Variants in BLNK observed in about 807,000 individuals in gnomAD.
BLNK encodes B cell linker.
BLNK carries 29 observed loss-of-function variants against 73.5 expected under a neutral mutation model. That is an observed-to-expected ratio of 0.39 (90% CI 0.29 to 0.54). The LOEUF is 0.54. Ranked by LOEUF, BLNK falls within the 20% of genes least tolerant of loss-of-function variation. The pLI is 0.61. For synonymous variants in BLNK, 176 were observed against 200.8 expected (o/e 0.88, Z 1.04); for missense variants, 460 against 562.8 (o/e 0.82, Z 1.85).
At chr10:96,239,390 A>G (rs2134070590) in intron 3 of BLNK, among the ~76,000 whole-genome samples, 1 of 152,342 alleles carries the variant, frequency 6.6e-6, no homozygotes, top group Non-Finnish European at 1.5e-5. Context: ...GATGCCCAAG[A>G]TTACACAGCC....
Position 96,189,466 on chromosome 10 carries a change from A to C in BLNK, c.*2507T>G, listed in dbSNP as rs1401776824. ...AACTTGGCTTCCACTTTGGGAAGAG[A>C]ACCACCTTTTTCTATACTTGCTTGC... On this transcript the variant is annotated 3_prime_UTR_variant, in exon 17 of 17. Coordinates refer to ENST00000224337, the MANE Select transcript of BLNK (RefSeq NM_013314.4). 78 of 627,046 alleles carry C rather than the reference A, an allele frequency of 1.2e-4. No individual in the cohort carries two copies. Among genetic ancestry groups the C allele is most frequent in the South Asian group, 1.1e-3 (77 of 72,664 alleles). 38.8% of individuals were successfully genotyped at this position (627,046 alleles called of 1,614,324 possible).
chr10:96,259,133 G>C (rs989224801), intron 1 of BLNK, among the ~76,000 whole-genome samples: 1 of 152,176 alleles, frequency 6.6e-6, no homozygotes, highest in African/African-American at 2.4e-5. Flanking sequence ...CAGGGCAGGC[G>C]ACTGGCTTCA....
chr10:96,252,744 C>A (rs1393090715), intron 1 of BLNK, among the ~76,000 whole-genome samples: 1 of 152,048 alleles, frequency 6.6e-6, no homozygotes, highest in Admixed American at 6.6e-5. Context: ...CAGAACATGC[C>A]CCTCTCCTTG....
intron 8 of BLNK, among the ~76,000 whole-genome samples, chr10:96,211,261 A>T (rs2083941415): frequency 6.6e-6 from 1 of 152,178 alleles, no homozygotes; most frequent in African/African-American, 2.4e-5. Context: ...TAGAGCACAG[A>T]TAAGCACACA....
chr10:96,224,117 T>C, intron 5 of BLNK, 128 bp from the exon 6 acceptor site: 1 of 1,099,672 alleles, frequency 9.1e-7, no homozygotes, highest in Non-Finnish European at 1.3e-6. Context: ...CCACGGGGCA[T>C]TCCTTGAAAG....
intron 6 of BLNK, among the ~76,000 whole-genome samples, chr10:96,221,536 C>A (rs1309029776): frequency 6.6e-6 from 1 of 152,204 alleles, no homozygotes; most frequent in Admixed American, 6.5e-5. Flanking sequence ...TCATACTTCT[C>A]TTTTTCCCAC....
At position 96,216,880 on chromosome 10, in the gene BLNK, T is replaced by C. The variant is rs587758020; in HGVS notation, c.526-146A>G. 535 of 739,456 alleles carry C rather than the reference T, an allele frequency of 7.2e-4. 9 individuals are homozygous for C. The South Asian group carries it at 7.9e-3, about 11-fold the overall frequency. The allele number at this position is 739,456 out of a possible 1,614,324, so 45.8% of individuals were successfully genotyped here. On this transcript the variant is annotated intron_variant, in intron 6 of 16. Transcript: ENST00000224337. ...TATGTAAATTGTACAATTTGGTGACTTTTAGTATATTCACAGACATATACA... is the reference window on the plus strand; with the variant it reads ...TATGTAAATTGTACAATTTGGTGACCTTTAGTATATTCACAGACATATACA...
chr10:96,269,676 C>G (rs1290331305), intron 1 of BLNK, among the ~76,000 whole-genome samples: 3 of 152,258 alleles, frequency 2.0e-5, no homozygotes, highest in Non-Finnish European at 4.4e-5. Context: ...TTGCTAACAG[C>G]TAACAGCATA....
At chr10:96,207,624 G>A (rs2083851891) in intron 10 of BLNK, among the ~76,000 whole-genome samples, 1 of 152,176 alleles carries the variant, frequency 6.6e-6, no homozygotes, top group Non-Finnish European at 1.5e-5. Flanking sequence ...CTGCCCCTCT[G>A]ATCTGCTGCG....
At chr10:96,243,749 AT>A (rs1246082753) in intron 2 of BLNK, among the ~76,000 whole-genome samples, 3 of 152,196 alleles carry the variant, frequency 2.0e-5, no homozygotes, top group Admixed American at 1.3e-4. Context: ...TTGAAATTAC[AT>A]TTTAGAAAAC....
In BLNK at chr10:96,227,671, G is replaced by T. The variant is rs1554902876; in HGVS notation, c.205-105C>A. On this transcript the variant is annotated intron_variant, in intron 4 of 16. Coordinates refer to ENST00000224337, the MANE Select transcript of BLNK (RefSeq NM_013314.4). ...GGCCAGAGCAGTGACAGGAGACAAG[G>T]CTTGGAGAGGTTGACTTCAAAAGGC... The T allele has an allele frequency of 1.0e-5, 16 of 1,558,548 alleles. No homozygotes were observed. In the Admixed American group the frequency reaches 2.0e-4, roughly 20 times the overall value.
chr10:96,266,375 C>A (rs1564856321), intron 1 of BLNK, among the ~76,000 whole-genome samples: 1 of 152,200 alleles, frequency 6.6e-6, no homozygotes, highest in Non-Finnish European at 1.5e-5. Context: ...GTTGTTCAGC[C>A]ATGGTACACA....
chr10:96,237,630 G>GA (rs1842742637), intron 3 of BLNK, among the ~76,000 whole-genome samples: 1 of 152,204 alleles, frequency 6.6e-6, no homozygotes. Context: ...TCCCCAGCCA[G>GA]ACCTCAGACT....
At chr10:96,242,849 A>G in intron 2 of BLNK, 65 bp from the exon 3 acceptor site, 4 of 1,323,000 alleles carry the variant, frequency 3.0e-6, no homozygotes, top group Middle Eastern at 1.8e-4. Context: ...AGCCGATGCT[A>G]GAAGCTGATA....
At chr10:96,215,266 G>A (rs2084037017) in intron 8 of BLNK, 55 bp downstream of exon 8, 1 of 1,531,176 alleles carries the variant, frequency 6.5e-7, no homozygotes, top group Admixed American at 1.7e-5. Flanking sequence ...TAGTTGATCT[G>A]TTTTTCTTAT....
chr10:96,198,704 CT>C (rs1564812162), intron 15 of BLNK, among the ~76,000 whole-genome samples: 2 of 152,296 alleles, frequency 1.3e-5, no homozygotes, highest in Admixed American at 1.3e-4. Flanking sequence ...CTCTCTTTCT[CT>C]TTTTATTCCC....
chr10:96,219,526 A>G (rs1554900665), intron 6 of BLNK, among the ~76,000 whole-genome samples: 1 of 152,208 alleles, frequency 6.6e-6, no homozygotes, highest in African/African-American at 2.4e-5. Flanking sequence ...CTTGGCAATG[A>G]TGCCTGAATG....
intron 13 of BLNK, among the ~76,000 whole-genome samples, chr10:96,201,677 C>A (rs587771094): frequency 1.3e-5 from 2 of 152,160 alleles, no homozygotes; most frequent in East Asian, 3.9e-4. Context: ...CAGGCATCAA[C>A]TCCCTCAAAG....
chr10:96,230,337 A>C (rs1194127553), intron 4 of BLNK, among the ~76,000 whole-genome samples: 1 of 152,002 alleles, frequency 6.6e-6, no homozygotes, highest in Non-Finnish European at 1.5e-5. Context: ...AGTGACTGAA[A>C]CTTTCTAGAC....
Sources: allele counts gnomAD v4.1 joint callset (sites outside exome capture counted in the v4.1 genomes callset), GRCh38; gene constraint gnomAD v4.1.1; transcripts MANE v1.5; gene names NCBI Gene and HGNC (gene_info 2026-07-23, HGNC 2026-07-21).